Variants in C10orf67 observed in about 807,000 individuals in gnomAD.
C10orf67 encodes the protein uncharacterized protein C10orf67, mitochondrial.
C10orf67 carries 60 observed loss-of-function variants against 35.6 expected under a neutral mutation model. The observed-to-expected ratio is 1.68, with a 90% CI of 1.37 to 2.09. The LOEUF (loss-of-function observed/expected upper bound fraction) is 2.09. Among genes scored for constraint, C10orf67 ranks in the 30% most tolerant of loss-of-function variants. The pLI, the probability that C10orf67 is intolerant of heterozygous loss-of-function variation, is 0.00. For missense variants in C10orf67, 474 were observed against 330.2 expected (o/e 1.44, Z -3.38); for synonymous variants, 167 against 115.8 (o/e 1.44, Z -2.84).
At chr10:23,344,480 T>G in intron 1 of C10orf67, 89 bp downstream of exon 1, 2 of 1,240,156 alleles carry the variant, frequency 1.6e-6, no homozygotes, top group Non-Finnish European at 2.3e-6. Context: ...AGAGGAAAGC[T>G]GCACCCCCGT....
chr10:23,339,070 A>G (rs570583013), intron 1 of C10orf67, among the ~76,000 whole-genome samples: 14 of 152,338 alleles, frequency 9.2e-5, no homozygotes, highest in Admixed American at 3.3e-4. Flanking sequence ...GCCCAAAATT[A>G]TAGTTTCCTG....
At chr10:23,262,634 G>C (rs1345952525) in intron 10 of C10orf67, among the ~76,000 whole-genome samples, 1 of 152,146 alleles carries the variant, frequency 6.6e-6, no homozygotes, top group African/African-American at 2.4e-5. Context: ...AAATCAATAA[G>C]AGCACAAGCA....
chr10:23,322,837 AAT>A (rs752140629), intron 2 of C10orf67, among the ~76,000 whole-genome samples: 10 of 151,326 alleles, frequency 6.6e-5, no homozygotes, highest in South Asian at 4.2e-4. Flanking sequence ...TAAAAGTTAA[AAT>A]ATATATATAT....
In C10orf67 at chr10:23,203,850, G is replaced by A. The variant is rs1247111130; in HGVS notation, c.*323C>T. The stretch of plus-strand genomic sequence containing the variant: ...GAGTCAAACTTTTTAATTAAAGTCC[G>A]TCCCTTCCCACTCTTAGACGCCTGG... On this transcript the variant is annotated 3_prime_UTR_variant, in exon 16 of 16. Coordinates refer to ENST00000636213, the MANE Select transcript of C10orf67 (RefSeq NM_001371909.1). The A allele has an allele frequency of 3.7e-5, 8 of 215,490 alleles. No individual in the cohort carries two copies. The highest frequency in any genetic ancestry group is 1.0e-4 in the East Asian group (1 of 9,936). 13.3% of individuals were successfully genotyped at this position (215,490 alleles called of 1,614,324 possible). A position where few individuals can be genotyped will look rare whatever the true frequency, so the allele number is the denominator to read the frequency against.
intron 15 of C10orf67, among the ~76,000 whole-genome samples, chr10:23,212,778 T>TGAGAGAGAGA (rs58972226): frequency 0.012 from 1,218 of 101,092 alleles, 40 homozygotes; most frequent in South Asian, 0.028. Flanking sequence ...AATATTGTAT[T>TGAGAGAGAGA]GAGAGAGAGA....
At chr10:23,242,128 C>T (rs182417434) in intron 12 of C10orf67, among the ~76,000 whole-genome samples, 13 of 152,164 alleles carry the variant, frequency 8.5e-5, no homozygotes, top group South Asian at 4.2e-4. Flanking sequence ...CCTGCCACCA[C>T]GCCCAGCTTA....
rs1842425136 is a variant in C10orf67 at position 23,250,708 on chromosome 10, T to C, written c.1201-17A>G. ...GTCTTCAACCTTTCAATAGAAAATA[T>C]AACACAAAGTTAATTACACAAACAA... is the stretch of plus-strand genomic sequence containing the variant. On this transcript the variant is annotated splice_polypyrimidine_tract_variant and intron_variant, in intron 10 of 15. Coordinates refer to ENST00000636213, the MANE Select transcript of C10orf67 (RefSeq NM_001371909.1). 2.5e-6 allele frequency: 1 copy of C among 398,550 alleles called. No individual in the cohort carries two copies. The highest frequency in any genetic ancestry group is 4.4e-6 in the Non-Finnish European group (1 of 225,822). The allele number at this position is 398,550 out of a possible 1,614,324, so 24.7% of individuals were successfully genotyped here. A position where few individuals can be genotyped will look rare whatever the true frequency, so the allele number is the denominator to read the frequency against.
At chr10:23,290,924 T>C (rs556332168) in intron 6 of C10orf67, among the ~76,000 whole-genome samples, 1 of 152,328 alleles carries the variant, frequency 6.6e-6, no homozygotes, top group South Asian at 2.1e-4. Context: ...TGAATTAACG[T>C]GACATGGCTC....
At chr10:23,310,003 T>C (rs1157151701) in intron 4 of C10orf67, among the ~76,000 whole-genome samples, 1 of 152,214 alleles carries the variant, frequency 6.6e-6, no homozygotes, top group Non-Finnish European at 1.5e-5. Flanking sequence ...AATTCATTTT[T>C]CTTCATCTCC....
intron 5 of C10orf67, among the ~76,000 whole-genome samples, chr10:23,298,978 G>A (rs567053093): frequency 3.2e-4 from 48 of 152,340 alleles, no homozygotes; most frequent in Admixed American, 1.4e-3. Context: ...GTCCAGGTGA[G>A]TTGAGACATT....
chr10:23,279,891 C>A (rs1457949005), intron 8 of C10orf67, among the ~76,000 whole-genome samples: 1 of 151,974 alleles, frequency 6.6e-6, no homozygotes, highest in Non-Finnish European at 1.5e-5. Flanking sequence ...TGCTCTGTCG[C>A]CCGGGCTGAA....
chr10:23,244,812 A>C (rs1359132992), intron 12 of C10orf67, among the ~76,000 whole-genome samples: 2 of 152,216 alleles, frequency 1.3e-5, no homozygotes, highest in Admixed American at 6.5e-5. Context: ...TGCTACCAAA[A>C]TTGCAATGGC....
At chr10:23,310,491 C>T (rs78401133) in intron 4 of C10orf67, among the ~76,000 whole-genome samples, 2,564 of 152,324 alleles carry the variant, frequency 0.017, 60 homozygotes, top group African/African-American at 0.05. Flanking sequence ...GCCTTTGGTT[C>T]CCAGGAGGGT....
intron 10 of C10orf67, among the ~76,000 whole-genome samples, chr10:23,260,926 T>G (rs1010082760): frequency 9.2e-5 from 14 of 152,248 alleles, no homozygotes; most frequent in South Asian, 2.1e-4. Context: ...TTATGCTTTA[T>G]TTAATGTAAA....
intron 15 of C10orf67, among the ~76,000 whole-genome samples, chr10:23,220,602 G>A (rs1841550314): frequency 6.6e-6 from 1 of 152,152 alleles, no homozygotes; most frequent in Non-Finnish European, 1.5e-5. Flanking sequence ...GTGGGGATTA[G>A]CATGGACTCT....
intron 10 of C10orf67, among the ~76,000 whole-genome samples, chr10:23,262,706 G>T (rs919113179): frequency 6.6e-6 from 1 of 152,024 alleles, no homozygotes; most frequent in East Asian, 1.9e-4. Context: ...AATATTAAAC[G>T]CTATTTTCAC....
At chr10:23,232,362 A>G (rs952402300) in intron 13 of C10orf67, among the ~76,000 whole-genome samples, 2 of 152,258 alleles carry the variant, frequency 1.3e-5, no homozygotes, top group Non-Finnish European at 2.9e-5. Context: ...AAAGGCTAGG[A>G]TAAAAATATT....
intron 1 of C10orf67, among the ~76,000 whole-genome samples, chr10:23,341,584 T>A (rs1270157061): frequency 1.3e-5 from 2 of 152,192 alleles, no homozygotes; most frequent in East Asian, 3.9e-4. Flanking sequence ...AATCCCCTCA[T>A]GGCTTCCCAT....
At chr10:23,263,181 C>T (rs889271707) in intron 10 of C10orf67, among the ~76,000 whole-genome samples, 5 of 152,074 alleles carry the variant, frequency 3.3e-5, no homozygotes, top group African/African-American at 1.2e-4. Flanking sequence ...CTGTATCAAG[C>T]CAAGCCAAGG....
Sources: gnomAD v4.1 joint callset for allele counts (sites outside exome capture counted in the v4.1 genomes callset) on GRCh38, gnomAD v4.1.1 for gene constraint, MANE v1.5 for transcripts, NCBI Gene and HGNC (gene_info 2026-07-23, HGNC 2026-07-21) for gene names.